The following SOX6 variants were observed in gnomAD, a reference collection of about 807,000 sequenced individuals.
SOX6 encodes SRY-box transcription factor 6, also known as transcription factor SOX-6.
In SOX6, 11 loss-of-function variants were observed where a neutral mutation model predicts 97.8. The observed-to-expected ratio is 0.11, with a 90% CI of 0.07 to 0.19. The LOEUF (loss-of-function observed/expected upper bound fraction) is 0.19, where lower values mean the gene tolerates loss of function less well. Among genes scored for constraint, SOX6 ranks in the 10% least tolerant of loss-of-function variants. SOX6 has a pLI of 1.00. For missense variants in SOX6, 810 were observed against 1,039.5 expected, an observed-to-expected ratio of 0.78 and a Z score of 3.04; for synonymous variants, 360 against 371.4, an observed-to-expected ratio of 0.97 and a Z score of 0.35.
At chr11:16,093,118 T>G (rs887258088) in intron 9 of SOX6, among the ~76,000 whole-genome samples, 1 of 152,046 alleles carries the variant, frequency 6.6e-6, no homozygotes, top group Admixed American at 6.6e-5. Context: ...GTGCTCTCTG[T>G]TCTCTAAAGG....
chr11:16,706,205 C>T (rs572364927), intron 3 of SOX6, among the ~76,000 whole-genome samples: 4 of 150,334 alleles, frequency 2.7e-5, no homozygotes, highest in East Asian at 2.0e-4. Context: ...TTTGGGAGGC[C>T]GAGGCTGGAG....
intron 4 of SOX6, among the ~76,000 whole-genome samples, chr11:16,561,424 C>A (rs4247300): frequency 0.98 from 149,711 of 152,204 alleles, 73,685 homozygotes; most frequent in East Asian, 1. Flanking sequence ...TAGTTTAGCC[C>A]AACAGAAGAC....
At chr11:16,296,317 A>C (rs749505162) in intron 3 of SOX6, among the ~76,000 whole-genome samples, 1 of 152,186 alleles carries the variant, frequency 6.6e-6, no homozygotes, top group African/African-American at 2.4e-5. Context: ...CACTCTCACA[A>C]CACCCCAGTT....
intron 6 of SOX6, among the ~76,000 whole-genome samples, chr11:16,145,991 G>GA (rs1321790999): frequency 6.6e-6 from 1 of 152,042 alleles, no homozygotes; most frequent in Non-Finnish European, 1.5e-5. Context: ...CACAGAATTG[G>GA]AAAAAACTAC....
At chr11:16,533,300 A>G (rs1443396644) in intron 4 of SOX6, among the ~76,000 whole-genome samples, 2 of 151,970 alleles carry the variant, frequency 1.3e-5, no homozygotes, top group Non-Finnish European at 2.9e-5. Flanking sequence ...TAGTCTATGA[A>G]GCTGGGTAAG....
chr11:16,318,197 TTA>T, intron 3 of SOX6: 2 of 515,570 alleles, frequency 3.9e-6, no homozygotes, highest in South Asian at 4.2e-5. Flanking sequence ...TATGGTCAGT[TTA>T]AAATCCTAAT....
chr11:16,155,392 C>A (rs1202761564), intron 6 of SOX6, among the ~76,000 whole-genome samples: 1 of 152,140 alleles, frequency 6.6e-6, no homozygotes, highest in Non-Finnish European at 1.5e-5. Flanking sequence ...CCTCAATGGG[C>A]TATTGTAAGA....
upstream of SOX6, among the ~76,000 whole-genome samples, chr11:16,359,584 T>C (rs185594046): frequency 2.3e-4 from 35 of 152,310 alleles, no homozygotes; most frequent in Middle Eastern, 3.4e-3. Context: ...TATCTTGTCC[T>C]TGGTGTTCTG....
At chr11:16,233,023 A>C (rs1034214347) in intron 4 of SOX6, among the ~76,000 whole-genome samples, 4 of 152,178 alleles carry the variant, frequency 2.6e-5, no homozygotes, top group Admixed American at 6.5e-5. Context: ...TGCTGGGAAA[A>C]AAGATGACTT....
intron 3 of SOX6, among the ~76,000 whole-genome samples, chr11:16,306,674 A>G (rs867317868): frequency 9.8e-5 from 13 of 132,942 alleles, no homozygotes; most frequent in Middle Eastern, 5.3e-3. Flanking sequence ...CACCCAGGCT[A>G]GAGTGCAGTG....
chr11:16,138,518 T>G (rs951885425), intron 6 of SOX6, among the ~76,000 whole-genome samples: 4 of 152,016 alleles, frequency 2.6e-5, no homozygotes, highest in Non-Finnish European at 4.4e-5. Flanking sequence ...CTTAAAAATT[T>G]TTTTGTTGTT....
intron 13 of SOX6, among the ~76,000 whole-genome samples, chr11:16,010,519 G>A (rs1011473681): frequency 1.3e-5 from 2 of 151,890 alleles, no homozygotes; most frequent in African/African-American, 4.8e-5. Flanking sequence ...TTGTTTTAAA[G>A]GTGTTAGAAG....
At chr11:16,209,526 T>C (rs1228819984) in intron 4 of SOX6, among the ~76,000 whole-genome samples, 5 of 151,966 alleles carry the variant, frequency 3.3e-5, no homozygotes, top group Non-Finnish European at 5.9e-5. Flanking sequence ...GAGGCCGAAG[T>C]GGGAGGATCA....
intron 1 of SOX6, among the ~76,000 whole-genome samples, chr11:16,456,788 G>A (rs957019921): frequency 6.6e-6 from 1 of 152,052 alleles, no homozygotes; most frequent in Non-Finnish European, 1.5e-5. Context: ...TTAACCGAAG[G>A]AGTCCTGAAT....
chr11:16,044,639 A>C (rs559901062), intron 12 of SOX6, among the ~76,000 whole-genome samples: 1 of 152,286 alleles, frequency 6.6e-6, no homozygotes, highest in African/African-American at 2.4e-5. Context: ...CTAATCTAGC[A>C]AGCAATCATA....
chr11:16,258,559 G>A (rs996909720), intron 3 of SOX6, among the ~76,000 whole-genome samples: 31 of 151,812 alleles, frequency 2.0e-4, no homozygotes, highest in African/African-American at 7.2e-4. Flanking sequence ...ATTGGGGGAG[G>A]GATGAATACA....
intron 10 of SOX6, among the ~76,000 whole-genome samples, chr11:16,052,635 A>G (rs966734079): frequency 2.0e-5 from 3 of 152,162 alleles, no homozygotes; most frequent in Non-Finnish European, 4.4e-5. Flanking sequence ...TGCAAGCCTG[A>G]TATTTATTGA....
At chr11:16,158,057 C>CT (rs1238159974) in intron 6 of SOX6, among the ~76,000 whole-genome samples, 2 of 151,914 alleles carry the variant, frequency 1.3e-5, no homozygotes, top group African/African-American at 2.4e-5. Context: ...ATTTATCTTT[C>CT]TTTTTTTATT....
At chr11:16,122,021 G>A (rs1011329351) in intron 6 of SOX6, among the ~76,000 whole-genome samples, 4 of 152,074 alleles carry the variant, frequency 2.6e-5, no homozygotes, top group Non-Finnish European at 5.9e-5. Flanking sequence ...GGATCTATTA[G>A]TGGGTATTTT....
Sources: gnomAD v4.1 joint callset for allele counts (sites outside exome capture counted in the v4.1 genomes callset) on GRCh38, gnomAD v4.1.1 for gene constraint, MANE v1.5 for transcripts, NCBI Gene and HGNC (gene_info 2026-07-23, HGNC 2026-07-21) for gene names.